Variants in ASTN2 observed in about 807,000 individuals in gnomAD.
ASTN2 encodes astrotactin 2.
ASTN2 carries 54 observed loss-of-function variants against 139.8 expected under a neutral mutation model. The ratio of observed to expected loss-of-function variants is 0.39; its 90% CI spans 0.31 to 0.48. The LOEUF (loss-of-function observed/expected upper bound fraction) is 0.48, where lower values mean the gene tolerates loss of function less well. Ranked by LOEUF, ASTN2 falls within the 20% of genes least tolerant of loss-of-function variation. The pLI, the probability that ASTN2 is intolerant of heterozygous loss-of-function variation, is 0.95. For synonymous variants in ASTN2, 756 were observed against 719.5 expected (o/e 1.05, Z -0.81); for missense variants, 1,565 against 1,725.1 (o/e 0.91, Z 1.64).
chr9:117,190,054 A>G (rs368181975), intron 3 of ASTN2, among the ~76,000 whole-genome samples: 1 of 152,110 alleles, frequency 6.6e-6, no homozygotes, highest in Non-Finnish European at 1.5e-5. Flanking sequence ...GTGAGTTCCA[A>G]TCTCTCAGGA....
intron 5 of ASTN2, among the ~76,000 whole-genome samples, chr9:117,072,815 C>T (rs1343427430): frequency 1.3e-5 from 2 of 152,106 alleles, no homozygotes; most frequent in Admixed American, 1.3e-4. Context: ...AATGGCAGAA[C>T]TAAAACCTTT....
chr9:116,887,539 C>T (rs548516497), intron 10 of ASTN2, among the ~76,000 whole-genome samples: 2 of 152,080 alleles, frequency 1.3e-5, no homozygotes, highest in African/African-American at 4.8e-5. Flanking sequence ...CAGCAGGGGC[C>T]AGGTCACAGA....
intron 4 of ASTN2, among the ~76,000 whole-genome samples, chr9:117,103,452 CT>C (rs1374146319): frequency 6.6e-6 from 1 of 152,160 alleles, no homozygotes; most frequent in Non-Finnish European, 1.5e-5. Flanking sequence ...ATCAGGGCAT[CT>C]GAACAACATG....
chr9:116,474,923 G>A (rs1848930221), intron 20 of ASTN2, among the ~76,000 whole-genome samples: 1 of 152,142 alleles, frequency 6.6e-6, no homozygotes, highest in Admixed American at 6.5e-5. Flanking sequence ...GAACCCTAAA[G>A]TAGAAAGTGA....
chr9:116,803,968 G>A (rs574514261), intron 13 of ASTN2, among the ~76,000 whole-genome samples: 10 of 151,956 alleles, frequency 6.6e-5, no homozygotes, highest in Admixed American at 3.3e-4. Flanking sequence ...TGCCTGGCTC[G>A]GAGCTTTTCC....
chr9:117,286,860 C>T (rs1208506530), intron 2 of ASTN2, among the ~76,000 whole-genome samples: 1 of 152,198 alleles, frequency 6.6e-6, no homozygotes, highest in African/African-American at 2.4e-5. Flanking sequence ...TTAATAACGG[C>T]TACTGCTTTT....
chr9:116,771,333 T>C (rs1829948572), intron 13 of ASTN2, among the ~76,000 whole-genome samples: 1 of 152,090 alleles, frequency 6.6e-6, no homozygotes, highest in Non-Finnish European at 1.5e-5. Context: ...TTTTCAGCTG[T>C]CAGTGGAGGA....
chr9:117,219,724 G>A (rs553576998), intron 2 of ASTN2, among the ~76,000 whole-genome samples: 1 of 152,308 alleles, frequency 6.6e-6, no homozygotes, highest in South Asian at 2.1e-4. Flanking sequence ...GGGAGGAAGT[G>A]GAGAAGAGAT....
intron 10 of ASTN2, among the ~76,000 whole-genome samples, chr9:116,922,050 T>C (rs772823628): frequency 1.1e-4 from 16 of 152,150 alleles, no homozygotes; most frequent in Non-Finnish European, 2.2e-4. Flanking sequence ...CACATCTCCT[T>C]CCTCTCTCAC....
intron 5 of ASTN2, among the ~76,000 whole-genome samples, chr9:117,048,610 CA>C (rs1838814771): frequency 6.6e-6 from 1 of 152,144 alleles, no homozygotes. Flanking sequence ...CTTGCAAGTG[CA>C]AAGGTCACTA....
chr9:117,297,014 C>T (rs1278686691), intron 1 of ASTN2, among the ~76,000 whole-genome samples: 1 of 152,228 alleles, frequency 6.6e-6, no homozygotes, highest in Admixed American at 6.5e-5. Flanking sequence ...GCATGTTGTG[C>T]TTTTAATCGG....
intron 1 of ASTN2, among the ~76,000 whole-genome samples, chr9:117,308,144 T>G (rs561208474): frequency 6.6e-6 from 1 of 152,318 alleles, no homozygotes; most frequent in South Asian, 2.1e-4. Context: ...CCTCTGGGAC[T>G]CTGGCTTCCA....
chr9:117,315,584 C>T (rs1828118351), intron 1 of ASTN2, among the ~76,000 whole-genome samples: 1 of 152,210 alleles, frequency 6.6e-6, no homozygotes, highest in Non-Finnish European at 1.5e-5. Context: ...GTGATGTATG[C>T]ATATTCTGAC....
chr9:117,095,979 A>G, intron 5 of ASTN2, 65 bp downstream of exon 5: 1 of 1,498,364 alleles, frequency 6.7e-7, no homozygotes, highest in South Asian at 1.1e-5. Flanking sequence ...AGTGAACACA[A>G]AATCTGATTT....
At chr9:116,894,829 G>A (rs1053440903) in intron 10 of ASTN2, among the ~76,000 whole-genome samples, 2 of 152,188 alleles carry the variant, frequency 1.3e-5, no homozygotes, top group South Asian at 4.1e-4. Flanking sequence ...GAGGAGATGG[G>A]ATTAGAATTC....
rs768754378 is a variant in ASTN2 at position 116,805,778 on chromosome 9, G to A, written c.2250C>T (p.Cys750=). The A allele has an allele frequency of 6.8e-6, 11 of 1,613,904 alleles. No individual in the cohort carries two copies. In the Middle Eastern group the frequency reaches 8.3e-4, roughly 121 times the overall value. Residue 750 remains cysteine (C), a synonymous_variant, in exon 13 of 23, where the codon TGC becomes TGT. Transcript: ENST00000313400. ...EYKLAPDGKS[C]LMLSDVCEGP... is the part of the protein sequence containing the mutation. ...CCTCGCAGACATCTGAGAGCATTAA[G>A]CAGGATTTTCCATCAGGAGCCAGTT...
At chr9:117,111,980 T>C (rs1037148840) in intron 4 of ASTN2, among the ~76,000 whole-genome samples, 1 of 151,868 alleles carries the variant, frequency 6.6e-6, no homozygotes, top group Non-Finnish European at 1.5e-5. Context: ...AAGTTAATTG[T>C]ATTTCTACAT....
At chr9:117,042,935 A>G (rs955402372) in intron 5 of ASTN2, among the ~76,000 whole-genome samples, 19 of 152,056 alleles carry the variant, frequency 1.2e-4, no homozygotes, top group African/African-American at 4.3e-4. Context: ...TGGTGGCGCA[A>G]TCTCAGCTCA....
chr9:116,997,000 C>T (rs1318832479), intron 7 of ASTN2, among the ~76,000 whole-genome samples: 1 of 152,030 alleles, frequency 6.6e-6, no homozygotes, highest in Non-Finnish European at 1.5e-5. Flanking sequence ...AGCACTTCCC[C>T]TTTTTGGTAC....
Sources: gnomAD v4.1 joint callset for allele counts (sites outside exome capture counted in the v4.1 genomes callset) on GRCh38, gnomAD v4.1.1 for gene constraint, MANE v1.5 for transcripts, NCBI Gene and HGNC (gene_info 2026-07-23, HGNC 2026-07-21) for gene names.